The following CTIF variants were observed in gnomAD, a reference collection of about 807,000 sequenced individuals.
CTIF encodes the protein CBP80/20-dependent translation initiation factor.
A neutral mutation model predicts 66.0 loss-of-function variants in CTIF; 21 were observed. The ratio of observed to expected loss-of-function variants is 0.32; its 90% confidence interval spans 0.23 to 0.46. CTIF has a LOEUF of 0.46. Ranked by LOEUF, CTIF falls within the 20% of genes least tolerant of loss-of-function variation. CTIF has a pLI of 1.00. For synonymous variants in CTIF, 345 were observed against 326.4 expected, an observed-to-expected ratio of 1.06 and a Z score of -0.62; for missense variants, 739 against 812.7, an observed-to-expected ratio of 0.91 and a Z score of 1.10.
At chr18:48,645,846 G>A (rs2091021467) in intron 3 of CTIF, among the ~76,000 whole-genome samples, 1 of 152,204 alleles carries the variant, frequency 6.6e-6, no homozygotes, top group Admixed American at 6.5e-5. Flanking sequence ...AGGAGGTTGA[G>A]TGGGCAACCT....
intron 7 of CTIF, among the ~76,000 whole-genome samples, chr18:48,717,402 A>AAAAT (rs145983579): frequency 0.13 from 18,971 of 144,830 alleles, 1,318 homozygotes; most frequent in South Asian, 0.18. Context: ...CTGTCTTTAA[A>AAAAT]AAATAAATAA....
chr18:48,763,173 C>T (rs894964193), intron 9 of CTIF, among the ~76,000 whole-genome samples: 4 of 152,164 alleles, frequency 2.6e-5, no homozygotes, highest in South Asian at 2.1e-4. Flanking sequence ...CCTATGGTCT[C>T]GGCTTTGGGT....
intron 9 of CTIF, among the ~76,000 whole-genome samples, chr18:48,804,023 G>A (rs1034306743): frequency 6.6e-6 from 1 of 152,198 alleles, no homozygotes; most frequent in African/African-American, 2.4e-5. Context: ...GCCCAGGCCT[G>A]TGTGCCTCTT....
At chr18:48,753,915 A>G (rs1349997573) in intron 7 of CTIF, among the ~76,000 whole-genome samples, 1 of 152,218 alleles carries the variant, frequency 6.6e-6, no homozygotes, top group Admixed American at 6.5e-5. Flanking sequence ...GGGAGCAGCC[A>G]GCTGGCCCCT....
chr18:48,859,300 C>G (rs28541524), intron 11 of CTIF, 44 bp from the exon 12 acceptor site: 86 of 1,575,406 alleles, frequency 5.5e-5, no homozygotes, highest in Non-Finnish European at 7.3e-5. Flanking sequence ...CAGTGGGCCA[C>G]TGTGGGACCC....
chr18:48,762,315 C>T (rs975921484), intron 9 of CTIF, among the ~76,000 whole-genome samples: 2 of 152,230 alleles, frequency 1.3e-5, no homozygotes, highest in Admixed American at 1.3e-4. Context: ...TGAAGGCCCA[C>T]GTCCAGTGGT....
chr18:48,591,016 GC>G (rs2143968284), intron 1 of CTIF, among the ~76,000 whole-genome samples: 1 of 152,334 alleles, frequency 6.6e-6, no homozygotes, highest in East Asian at 1.9e-4. Context: ...AATGGAGGAA[GC>G]CCCTGGGACC....
intron 1 of CTIF, among the ~76,000 whole-genome samples, chr18:48,593,747 TG>T (rs199793863): frequency 8.4e-5 from 11 of 130,386 alleles, no homozygotes; most frequent in East Asian, 5.9e-4. Flanking sequence ...GTTTTTTGTT[TG>T]TTTTTTTTTT....
chr18:48,848,151 A>G (rs540576091), intron 10 of CTIF, among the ~76,000 whole-genome samples: 1 of 152,130 alleles, frequency 6.6e-6, no homozygotes, highest in East Asian at 1.9e-4. Flanking sequence ...ATGTGTGCCC[A>G]TTTCTGTGGC....
At chr18:48,644,223 T>G (rs1336980309) in intron 3 of CTIF, among the ~76,000 whole-genome samples, 1 of 152,176 alleles carries the variant, frequency 6.6e-6, no homozygotes, top group Non-Finnish European at 1.5e-5. Flanking sequence ...ATTGATCGGC[T>G]CCAATCAGCC....
chr18:48,547,709 G>T (rs1397958839), intron 1 of CTIF, among the ~76,000 whole-genome samples: 1 of 152,150 alleles, frequency 6.6e-6, no homozygotes, highest in Non-Finnish European at 1.5e-5. Context: ...TGCTGGAAGG[G>T]CCTCCATTTG....
chr18:48,568,657 A>AAAAAAAAAAAAAAAAAAAAAAC, intron 1 of CTIF, among the ~76,000 whole-genome samples: 1 of 144,764 alleles, frequency 6.9e-6, no homozygotes, highest in Non-Finnish European at 1.5e-5. Flanking sequence ...AAAAAAAAAA[A>AAAAAAAAAAAAAAAAAAAAAAC]AAAAAAAAAA....
At chr18:48,771,370 A>T (rs1006778413) in intron 9 of CTIF, among the ~76,000 whole-genome samples, 1 of 152,082 alleles carries the variant, frequency 6.6e-6, no homozygotes, top group Non-Finnish European at 1.5e-5. Flanking sequence ...AGCTTCCTTC[A>T]CTGGGGAGGA....
At chr18:48,670,777 C>A (rs1195280754) in intron 6 of CTIF, 33 bp downstream of exon 6, 6 of 1,567,834 alleles carry the variant, frequency 3.8e-6, no homozygotes, top group Non-Finnish European at 5.3e-6. Context: ...TAACAGCCCA[C>A]CCCCACCCCT....
intron 9 of CTIF, among the ~76,000 whole-genome samples, chr18:48,804,293 C>T (rs1158185819): frequency 6.6e-6 from 1 of 152,238 alleles, no homozygotes; most frequent in African/African-American, 2.4e-5. Flanking sequence ...CGTCTCCCTC[C>T]AGACAAGATG....
chr18:48,627,283 G>A (rs1489393534), intron 2 of CTIF, among the ~76,000 whole-genome samples: 1 of 152,144 alleles, frequency 6.6e-6, no homozygotes, highest in Admixed American at 6.5e-5. Flanking sequence ...GTAGGCTCAG[G>A]GGGCAAAGTC....
chr18:48,772,680 GCTGA>G (rs1230526396), intron 9 of CTIF, among the ~76,000 whole-genome samples: 5 of 152,084 alleles, frequency 3.3e-5, no homozygotes, highest in African/African-American at 7.2e-5. Flanking sequence ...CTTTTTCATG[GCTGA>G]CTAATATTCC....
rs570022072 is a variant in CTIF, at chr18:48,855,602, G to A, written c.1528-1986G>A. 2.0e-5 allele frequency among the ~76,000 whole-genome samples: 3 copies of A among 152,330 alleles called. No homozygotes were observed. In the East Asian group the frequency reaches 5.8e-4, roughly 29 times the overall value. On this transcript the variant is annotated intron_variant, in intron 10 of 11. Coordinates refer to ENST00000256413, the MANE Select transcript of CTIF (RefSeq NM_014772.3). Reference sequence around the variant, plus strand: ...TCTCCTAAGCGGGACAGTAGCGTGGGCTGTGGCATGCTAGGAAGATCACTC... The same window carrying A: ...TCTCCTAAGCGGGACAGTAGCGTGGACTGTGGCATGCTAGGAAGATCACTC...
chr18:48,725,467 T>C (rs959235562), intron 7 of CTIF, among the ~76,000 whole-genome samples: 3 of 152,088 alleles, frequency 2.0e-5, no homozygotes, highest in Admixed American at 2.0e-4. Flanking sequence ...AGCCCCGGTG[T>C]ATTTTGACTG....
Sources: allele counts gnomAD v4.1 joint callset (sites outside exome capture counted in the v4.1 genomes callset), GRCh38; gene constraint gnomAD v4.1.1; transcripts MANE v1.5; gene names NCBI Gene and HGNC (gene_info 2026-07-23, HGNC 2026-07-21).